Variants in DNAJB14 observed in about 807,000 individuals in gnomAD.
DNAJB14 encodes DnaJ heat shock protein family (Hsp40) member B14, also known as dnaJ homolog subfamily B member 14.
Under a neutral mutation model 48.4 loss-of-function variants are expected in DNAJB14, and 22 were observed. The observed-to-expected ratio is 0.45, with a 90% CI of 0.32 to 0.65. DNAJB14 has a LOEUF of 0.65. DNAJB14 is among the 30% of genes least tolerant of loss of function. DNAJB14 has a pLI of 0.03. For missense variants in DNAJB14, 319 were observed against 458.8 expected (o/e 0.70, Z 2.78); for synonymous variants, 142 against 158.7 (o/e 0.89, Z 0.79).
At chr4:99,936,590 C>G (rs1726684624) in intron 1 of DNAJB14, among the ~76,000 whole-genome samples, 1 of 152,102 alleles carries the variant, frequency 6.6e-6, no homozygotes, top group East Asian at 1.9e-4. Flanking sequence ...ATACCATTTT[C>G]CAGTAAAAGG....
At chr4:99,915,609 A>G (rs1182508477) in intron 3 of DNAJB14, among the ~76,000 whole-genome samples, 2 of 152,150 alleles carry the variant, frequency 1.3e-5, no homozygotes, top group Non-Finnish European at 2.9e-5. Context: ...TATGATTTCA[A>G]TATTTTAAAT....
rs1726191403 is a variant in DNAJB14 at position 99,924,814 on chromosome 4, C to T, written c.306-1629G>A. ...TATCAATGTTCCAATATCCATAAAGCTCTGAAAAATCAAAGTTATTCTATA... is the reference window on the plus strand; with the variant it reads ...TATCAATGTTCCAATATCCATAAAGTTCTGAAAAATCAAAGTTATTCTATA... On this transcript the variant is annotated intron_variant, in intron 2 of 7. Transcript: ENST00000442697. The T allele has an allele frequency of 2.5e-6, 4 of 1,580,002 alleles. No individual in the cohort carries two copies. In the African/African-American group the frequency reaches 4.0e-5, roughly 16 times the overall value.
rs765775812 is a variant in DNAJB14, at chr4:99,905,655, C to T, written c.784G>A (p.Val262Met). Residue 262 changes from valine (V) to methionine (M), a missense_variant, in exon 6 of 8, where the codon GTG becomes ATG. Coordinates refer to ENST00000442697, the MANE Select transcript of DNAJB14 (RefSeq NM_001031723.4). ...ACCATCAACTGGCTTAATAATGACA[C>T]GAGGATCAATACAATTATGGGCATC... is the stretch of plus-strand genomic sequence containing the variant. ...QLMPIIVLIL[V>M]SLLSQLMVSN... is the part of the protein sequence containing the mutation. 15 of 1,612,070 alleles carry T rather than the reference C, an allele frequency of 9.3e-6. No individual in the cohort carries two copies. The highest frequency in any genetic ancestry group is 1.1e-5 in the South Asian group (1 of 91,004).
chr4:99,909,569 A>AC (rs1238692699), intron 3 of DNAJB14, among the ~76,000 whole-genome samples: 1 of 152,060 alleles, frequency 6.6e-6, no homozygotes, highest in African/African-American at 2.4e-5. Context: ...TTAAATAAAT[A>AC]CAGACAGTCC....
At chr4:99,923,268 C>A in intron 2 of DNAJB14, 83 bp from the exon 3 acceptor site, 1 of 1,195,790 alleles carries the variant, frequency 8.4e-7, no homozygotes, top group Non-Finnish European at 1.1e-6. Context: ...TATTAGAATA[C>A]TATAAAGAAC....
chr4:99,933,032 G>C (rs1348902952), intron 1 of DNAJB14, among the ~76,000 whole-genome samples: 2 of 152,084 alleles, frequency 1.3e-5, no homozygotes, highest in Admixed American at 1.3e-4. Context: ...GAGTAATGAG[G>C]TGTCTTTTTG....
intron 1 of DNAJB14, among the ~76,000 whole-genome samples, chr4:99,932,644 T>A (rs1218102939): frequency 6.6e-6 from 1 of 152,164 alleles, no homozygotes; most frequent in African/African-American, 2.4e-5. Flanking sequence ...AACAATCCCA[T>A]TCCTAAGTAC....
At chr4:99,901,289 A>G (rs576207869) in intron 7 of DNAJB14, 137 bp from the exon 8 acceptor site, 41 of 832,808 alleles carry the variant, frequency 4.9e-5, no homozygotes, top group African/African-American at 1.3e-4. Flanking sequence ...TACAATTCCT[A>G]AAAGCCATTT....
chr4:99,940,951 A>AT (rs928236958), intron 1 of DNAJB14, among the ~76,000 whole-genome samples: 93 of 148,102 alleles, frequency 6.3e-4, no homozygotes, highest in Middle Eastern at 3.5e-3. Context: ...ATATATATAT[A>AT]TTTTTTTTTT....
At chr4:99,931,831 G>C (rs1726481276) in intron 1 of DNAJB14, among the ~76,000 whole-genome samples, 1 of 151,362 alleles carries the variant, frequency 6.6e-6, no homozygotes, top group Admixed American at 6.6e-5. Context: ...AAATGGGTTG[G>C]AAAAGAAAAA....
intron 6 of DNAJB14, among the ~76,000 whole-genome samples, chr4:99,904,221 T>C (rs1236934905): frequency 6.6e-6 from 1 of 152,166 alleles, no homozygotes; most frequent in Non-Finnish European, 1.5e-5. Context: ...ACACGGGTAT[T>C]CTGGTGATGC....
chr4:99,920,361 C>T (rs1038780768), intron 3 of DNAJB14, among the ~76,000 whole-genome samples: 2 of 152,152 alleles, frequency 1.3e-5, no homozygotes, highest in African/African-American at 4.8e-5. Context: ...TCATATTGAA[C>T]TACCAGAACT....
chr4:99,944,581 T>G (rs1464335932), intron 1 of DNAJB14, among the ~76,000 whole-genome samples: 1 of 151,854 alleles, frequency 6.6e-6, no homozygotes, highest in Non-Finnish European at 1.5e-5. Context: ...TCTTTTTTTT[T>G]TTGTTTTTTT....
chr4:99,920,072 A>T (rs1265841180), intron 3 of DNAJB14, among the ~76,000 whole-genome samples: 1 of 152,102 alleles, frequency 6.6e-6, no homozygotes, highest in Non-Finnish European at 1.5e-5. Flanking sequence ...CTGAGTCTCA[A>T]TTTTTTTATT....
At chr4:99,919,791 C>T (rs1725989834) in intron 3 of DNAJB14, among the ~76,000 whole-genome samples, 2 of 152,090 alleles carry the variant, frequency 1.3e-5, no homozygotes, top group African/African-American at 4.8e-5. Flanking sequence ...GTATATCTGT[C>T]CTATCTTCCT....
At chr4:99,930,405 AT>A in intron 2 of DNAJB14, 44 bp downstream of exon 2, 1 of 1,529,828 alleles carries the variant, frequency 6.5e-7, no homozygotes, top group East Asian at 2.3e-5. Flanking sequence ...CAAAAAGTAC[AT>A]TAATACCAAT....
chr4:99,901,891 A>G (rs1725306568), intron 7 of DNAJB14, among the ~76,000 whole-genome samples: 1 of 152,164 alleles, frequency 6.6e-6, no homozygotes, highest in Non-Finnish European at 1.5e-5. Context: ...TCTGGAACAC[A>G]ATGGCCAAAG....
At chr4:99,928,523 A>G (rs945041636) in intron 2 of DNAJB14, 6 of 430,200 alleles carry the variant, frequency 1.4e-5, no homozygotes, top group Non-Finnish European at 2.4e-5. Context: ...CCCACCCCAC[A>G]TATATATATA....
chr4:99,946,495 T>G lies in DNAJB14; in HGVS notation c.77A>C (p.Lys26Thr). 1.2e-6 allele frequency: 2 copies of G among 1,613,718 alleles called. No individual in the cohort carries two copies. The highest frequency in any genetic ancestry group is 1.7e-6 in the Non-Finnish European group (2 of 1,179,760). ...REALNAGNRE[K>T]AQRFLQKAEK... ...GGCCTTCTGCAGGAAGCGCTGGGCC[T>G]TCTCGCGGTTGCCGGCGTTCAGGGC... Residue 26 changes from lysine to threonine, a missense_variant, in exon 1 of 8, where the codon AAG becomes ACG. Lys to Thr is a moderately conservative substitution (Grantham distance 78, BLOSUM62 -1). This residue lies in a region of DNAJB14 where 116 missense variants were observed against 134.6 expected (regional missense o/e 0.86). Coordinates refer to ENST00000442697, the MANE Select transcript of DNAJB14 (RefSeq NM_001031723.4).
Sources: gnomAD v4.1 joint callset for allele counts (sites outside exome capture counted in the v4.1 genomes callset) on GRCh38, gnomAD v4.1.1 for gene constraint, gnomAD v4.1.1 regional missense constraint, MANE v1.5 for transcripts, NCBI Gene and HGNC (gene_info 2026-07-23, HGNC 2026-07-21) for gene names.